Variants in NRG2 observed in about 807,000 individuals in gnomAD.
The protein encoded by NRG2 is pro-neuregulin-2, membrane-bound isoform.
NRG2 carries 27 observed loss-of-function variants against 73.9 expected under a neutral mutation model. The observed-to-expected ratio is 0.37, with a 90% CI of 0.27 to 0.50. NRG2 has a LOEUF of 0.50. Ranked by LOEUF, NRG2 falls within the 20% of genes least tolerant of loss-of-function variation. The pLI is 0.96. For missense variants in NRG2, 1,126 were observed against 1,210.1 expected, an observed-to-expected ratio of 0.93 and a Z score of 1.03; for synonymous variants, 532 against 541.0, an observed-to-expected ratio of 0.98 and a Z score of 0.23.
intron 1 of NRG2, among the ~76,000 whole-genome samples, chr5:139,999,568 G>A (rs149053067): frequency 1.1e-3 from 164 of 152,294 alleles, no homozygotes; most frequent in African/African-American, 2.3e-3. Context: ...TTCTCTGTTC[G>A]TACCTGGTAG....
intron 1 of NRG2, among the ~76,000 whole-genome samples, chr5:140,013,782 A>T (rs1759554605): frequency 6.6e-6 from 1 of 152,110 alleles, no homozygotes; most frequent in Non-Finnish European, 1.5e-5. Flanking sequence ...TGAGGTTAGT[A>T]CTCATCTAAC....
At chr5:139,985,268 A>C (rs1008169386) in intron 1 of NRG2, among the ~76,000 whole-genome samples, 3 of 149,596 alleles carry the variant, frequency 2.0e-5, no homozygotes, top group African/African-American at 7.4e-5. Context: ...CGAATCCTGG[A>C]GGTGGAGGCT....
At chr5:140,024,201 T>C (rs2126674952) in intron 1 of NRG2, among the ~76,000 whole-genome samples, 1 of 152,202 alleles carries the variant, frequency 6.6e-6, no homozygotes, top group South Asian at 2.1e-4. Flanking sequence ...AAAGTCATAG[T>C]TTTATTTTTG....
chr5:139,923,957 G>A (rs568472191), intron 1 of NRG2, among the ~76,000 whole-genome samples: 15 of 148,874 alleles, frequency 1.0e-4, no homozygotes, highest in African/African-American at 3.9e-4. Context: ...AACAAAGCTA[G>A]GTAGAAAGAC....
chr5:140,028,462 T>C (rs1196499535), intron 1 of NRG2, among the ~76,000 whole-genome samples: 1 of 152,176 alleles, frequency 6.6e-6, no homozygotes, highest in Non-Finnish European at 1.5e-5. Context: ...AGATAACTTG[T>C]CTCTTGAGTT....
intron 5 of NRG2, among the ~76,000 whole-genome samples, chr5:139,858,642 A>G (rs181576127): frequency 6.6e-6 from 1 of 152,264 alleles, no homozygotes; most frequent in African/African-American, 2.4e-5. Context: ...ACTCACACTC[A>G]TCTCCACGCC....
At chr5:139,888,138 A>G (rs190135392) in intron 1 of NRG2, among the ~76,000 whole-genome samples, 184 of 151,934 alleles carry the variant, frequency 1.2e-3, no homozygotes, top group Admixed American at 3.1e-3. Flanking sequence ...ACACACACAC[A>G]CCCTGAAAGA....
intron 4 of NRG2, among the ~76,000 whole-genome samples, chr5:139,866,284 G>A (rs1274107091): frequency 3.9e-5 from 6 of 152,226 alleles, no homozygotes; most frequent in Admixed American, 3.3e-4. Context: ...ACCTATGAAA[G>A]ACTATGAAAG....
chr5:139,926,665 T>G (rs1752081782), intron 1 of NRG2, among the ~76,000 whole-genome samples: 1 of 152,170 alleles, frequency 6.6e-6, no homozygotes, highest in Non-Finnish European at 1.5e-5. Context: ...GCTAGAAGTG[T>G]TCAGCCTCCA....
At chr5:139,912,799 G>A (rs1218972363) in intron 1 of NRG2, among the ~76,000 whole-genome samples, 8 of 152,202 alleles carry the variant, frequency 5.3e-5, no homozygotes, top group African/African-American at 1.7e-4. Context: ...TTTTCTTCTG[G>A]TGGTTCCTGG....
At chr5:139,958,284 G>A (rs1754789148) in intron 1 of NRG2, among the ~76,000 whole-genome samples, 1 of 152,106 alleles carries the variant, frequency 6.6e-6, no homozygotes, top group Non-Finnish European at 1.5e-5. Context: ...GAGACTCTGG[G>A]TTTCCTGGGA....
intron 1 of NRG2, among the ~76,000 whole-genome samples, chr5:139,992,135 T>C (rs536466466): frequency 1.2e-4 from 18 of 152,360 alleles, no homozygotes; most frequent in Middle Eastern, 6.8e-3. Context: ...TTATCTCCCT[T>C]AATTTATTAA....
At chr5:139,969,953 T>C (rs981360885) in intron 1 of NRG2, among the ~76,000 whole-genome samples, 9 of 152,216 alleles carry the variant, frequency 5.9e-5, no homozygotes, top group African/African-American at 2.2e-4. Flanking sequence ...AAACAATGAA[T>C]GTCATTTTAC....
intron 1 of NRG2, among the ~76,000 whole-genome samples, chr5:140,002,063 G>A (rs916202103): frequency 1.3e-5 from 2 of 151,610 alleles, no homozygotes; most frequent in African/African-American, 4.8e-5. Context: ...ATGAGCCTGT[G>A]GTCCCAGCTA....
intron 1 of NRG2, among the ~76,000 whole-genome samples, chr5:139,905,409 A>C (rs1580705395): frequency 6.6e-6 from 1 of 152,220 alleles, no homozygotes; most frequent in Non-Finnish European, 1.5e-5. Flanking sequence ...TCCCAACCAG[A>C]ATCCAAGTCA....
chr5:139,951,678 A>G (rs72796718), intron 1 of NRG2, among the ~76,000 whole-genome samples: 116 of 152,128 alleles, frequency 7.6e-4, no homozygotes, highest in Non-Finnish European at 1.5e-3. Flanking sequence ...ATCCTACACC[A>G]CCCAGCTTTC....
intron 3 of NRG2, among the ~76,000 whole-genome samples, chr5:139,879,677 G>T (rs1763404177): frequency 6.6e-6 from 1 of 152,190 alleles, no homozygotes; most frequent in African/African-American, 2.4e-5. Context: ...CAGGATAAAA[G>T]CACCTTAGGA....
intron 1 of NRG2, among the ~76,000 whole-genome samples, chr5:139,938,881 A>AG (rs5871715): frequency 0.011 from 929 of 86,802 alleles, 11 homozygotes; most frequent in East Asian, 0.031. Context: ...AGAGAGAGAG[A>AG]AGGAAAGAAA....
chr5:139,907,012 C>T (rs1765279451), intron 1 of NRG2, among the ~76,000 whole-genome samples: 1 of 151,950 alleles, frequency 6.6e-6, no homozygotes, highest in Admixed American at 6.6e-5. Context: ...TGCATGTGCA[C>T]ATGTGTGTAT....
Sources: gnomAD v4.1 joint callset for allele counts (sites outside exome capture counted in the v4.1 genomes callset) on GRCh38, gnomAD v4.1.1 for gene constraint, MANE v1.5 for transcripts, NCBI Gene and HGNC (gene_info 2026-07-23, HGNC 2026-07-21) for gene names.